Variants in FNIP1 observed in about 807,000 individuals in gnomAD.
FNIP1 encodes folliculin interacting protein 1, also known as folliculin-interacting protein 1.
In FNIP1, 40 loss-of-function variants were observed where a neutral mutation model predicts 124.5. The ratio of observed to expected loss-of-function variants is 0.32; its 90% confidence interval spans 0.25 to 0.42. The LOEUF (loss-of-function observed/expected upper bound fraction) is 0.42, where lower values mean the gene tolerates loss of function less well. FNIP1 is among the 10% of genes least tolerant of loss of function. The pLI is 1.00. For synonymous variants in FNIP1, 472 were observed against 470.6 expected, an observed-to-expected ratio of 1.00 and a Z score of -0.04; for missense variants, 1,176 against 1,403.7, an observed-to-expected ratio of 0.84 and a Z score of 2.59.
intron 1 of FNIP1, among the ~76,000 whole-genome samples, chr5:131,784,633 C>A (rs1465290741): frequency 6.6e-6 from 1 of 151,590 alleles, no homozygotes; most frequent in Non-Finnish European, 1.5e-5. Flanking sequence ...CCAGCCTGGG[C>A]AACAAAGTAA....
intron 11 of FNIP1, among the ~76,000 whole-genome samples, chr5:131,693,055 T>C (rs1314059665): frequency 6.6e-6 from 1 of 151,116 alleles, no homozygotes; most frequent in East Asian, 1.9e-4. Flanking sequence ...AGAGAGCTAT[T>C]ACACATCATG....
At chr5:131,744,783 G>A (rs1770620533) in intron 1 of FNIP1, 93 bp from the exon 2 acceptor site, 3 of 966,770 alleles carry the variant, frequency 3.1e-6, no homozygotes, top group Non-Finnish European at 4.1e-6. Flanking sequence ...ATATAATAAA[G>A]CCCAAAATTA....
At chr5:131,724,884 G>GT (rs1769805504) in intron 3 of FNIP1, among the ~76,000 whole-genome samples, 1 of 152,152 alleles carries the variant, frequency 6.6e-6, no homozygotes, top group African/African-American at 2.4e-5. Context: ...TGTATAAGGT[G>GT]TAAGGAAGGA....
intron 11 of FNIP1, among the ~76,000 whole-genome samples, chr5:131,695,127 A>G (rs1160363973): frequency 6.6e-6 from 1 of 150,826 alleles, no homozygotes; most frequent in Non-Finnish European, 1.5e-5. Flanking sequence ...AAATAAATAA[A>G]TAAATAAATA....
chr5:131,739,285 G>A (rs1165986775), intron 2 of FNIP1, among the ~76,000 whole-genome samples: 1 of 152,178 alleles, frequency 6.6e-6, no homozygotes, highest in Non-Finnish European at 1.5e-5. Flanking sequence ...ACTCATGCTT[G>A]AGCCCAAGAG....
chr5:131,792,361 A>C (rs1462033916), intron 1 of FNIP1, among the ~76,000 whole-genome samples: 1 of 152,122 alleles, frequency 6.6e-6, no homozygotes, highest in Non-Finnish European at 1.5e-5. Context: ...GGGTTTCACC[A>C]CATTGGCCAG....
At chr5:131,792,792 T>C (rs1772451418) in intron 1 of FNIP1, among the ~76,000 whole-genome samples, 2 of 152,208 alleles carry the variant, frequency 1.3e-5, no homozygotes, top group South Asian at 4.1e-4. Flanking sequence ...AAAATGAATT[T>C]TATGTTTAGA....
In FNIP1 at chr5:131,665,928, G is replaced by A. The variant is rs1257935199; in HGVS notation, c.3108+4535C>T. Among the ~76,000 whole-genome samples the A allele has an allele frequency of 4.4e-5, 6 of 137,070 alleles. No individual in the cohort carries two copies. In the South Asian group the frequency reaches 6.9e-4, roughly 16 times the overall value. The allele number at this position is 137,070 out of a possible 152,430, so 89.9% of individuals were successfully genotyped here. A position where few individuals can be genotyped will look rare whatever the true frequency, so the allele number is the denominator to read the frequency against. Reference sequence around the variant, plus strand: ...TTTTTTTTTTTTTTTTTGAGACGGAGTCTCGCTCTGTCGCCCAGGCTGGAG... The same window carrying A: ...TTTTTTTTTTTTTTTTTGAGACGGAATCTCGCTCTGTCGCCCAGGCTGGAG... On this transcript the variant is annotated intron_variant, in intron 15 of 17. Transcript: ENST00000510461.
chr5:131,767,487 A>G (rs1300665841), intron 1 of FNIP1, among the ~76,000 whole-genome samples: 1 of 151,136 alleles, frequency 6.6e-6, no homozygotes, highest in Non-Finnish European at 1.5e-5. Context: ...AGGTAGGACC[A>G]TCAGTGACAA....
At chr5:131,736,988 A>C (rs73788731) in intron 2 of FNIP1, among the ~76,000 whole-genome samples, 4,041 of 152,288 alleles carry the variant, frequency 0.027, 186 homozygotes, top group African/African-American at 0.092. Flanking sequence ...GTTAATAAAA[A>C]TTATAACCTA....
At chr5:131,733,671 G>C (rs1199673809) in intron 2 of FNIP1, among the ~76,000 whole-genome samples, 7 of 152,288 alleles carry the variant, frequency 4.6e-5, no homozygotes, top group Non-Finnish European at 8.8e-5. Context: ...GCATCCCAGG[G>C]ATGAAGCCCA....
Position 131,664,942 on chromosome 5 carries a change from TTATA to T in FNIP1, c.3108+5517_3108+5520del, listed in dbSNP as rs941456457. Among the ~76,000 whole-genome samples the T allele has an allele frequency of 6.1e-4, 92 of 151,096 alleles. 1 individual carries two copies. The highest frequency in any genetic ancestry group is 2.1e-3 in the African/African-American group (86 of 41,262). Reference sequence around the variant, plus strand: ...GATATGCTTGTGTATATCTGTGTATTTATATATAAAATGATATGCTTGTGTATTT... The same window carrying T: ...GATATGCTTGTGTATATCTGTGTATTTATAAAATGATATGCTTGTGTATTT... On this transcript the variant is annotated intron_variant, in intron 15 of 17. Transcript: ENST00000510461.
intron 1 of FNIP1, among the ~76,000 whole-genome samples, chr5:131,756,222 GTA>G (rs939892178): frequency 2.6e-5 from 4 of 152,128 alleles, no homozygotes; most frequent in African/African-American, 9.6e-5. Context: ...GAGAAAGACA[GTA>G]TATAATATTC....
intron 1 of FNIP1, among the ~76,000 whole-genome samples, chr5:131,771,425 G>T (rs947143343): frequency 2.6e-5 from 4 of 152,174 alleles, no homozygotes; most frequent in African/African-American, 9.6e-5. Flanking sequence ...GAACTGGCCA[G>T]AGAAAAGCTT....
In FNIP1 at chr5:131,746,275, A is replaced by T. The variant is rs866634234; in HGVS notation, c.93-1585T>A. On this transcript the variant is annotated intron_variant, in intron 1 of 17. Coordinates refer to ENST00000510461, the MANE Select transcript of FNIP1 (RefSeq NM_133372.3). ...AGTTACAACAGGCTATTTATTTTTTATAATTTCAACTTTTAAATTCAGGGG... is the reference window on the plus strand; with the variant it reads ...AGTTACAACAGGCTATTTATTTTTTTTAATTTCAACTTTTAAATTCAGGGG... 3.9e-4 allele frequency among the ~76,000 whole-genome samples: 60 copies of T among 152,318 alleles called. No homozygotes were observed. The Middle Eastern group carries it at 0.01, about 26-fold the overall frequency.
chr5:131,781,554 T>C (rs149022190), intron 1 of FNIP1, among the ~76,000 whole-genome samples: 417 of 152,330 alleles, frequency 2.7e-3, no homozygotes, highest in Non-Finnish European at 3.7e-3. Flanking sequence ...TAAATTTACT[T>C]TGCCTATTCT....
intron 16 of FNIP1, among the ~76,000 whole-genome samples, chr5:131,651,177 C>T (rs777616345): frequency 1.3e-5 from 2 of 151,832 alleles, no homozygotes; most frequent in Non-Finnish European, 2.9e-5. Context: ...AACACTTGAG[C>T]CCAGAAGTCT....
intron 1 of FNIP1, chr5:131,796,187 T>C: frequency 6.6e-6 from 1 of 152,278 alleles, no homozygotes; most frequent in East Asian, 1.9e-4. Context: ...TTCATTCAAT[T>C]TGGTCTTCCT....
intron 2 of FNIP1, among the ~76,000 whole-genome samples, chr5:131,734,177 C>A (rs973034016): frequency 1.1e-4 from 17 of 151,992 alleles, no homozygotes; most frequent in Non-Finnish European, 2.4e-4. Flanking sequence ...GTGGTGATAT[C>A]CCCTTTATCA....
Sources: allele counts gnomAD v4.1 joint callset (sites outside exome capture counted in the v4.1 genomes callset), GRCh38; gene constraint gnomAD v4.1.1; transcripts MANE v1.5; gene names NCBI Gene and HGNC (gene_info 2026-07-23, HGNC 2026-07-21).